The following ANKRD52 variants were observed in gnomAD, a reference collection of about 807,000 sequenced individuals.
ANKRD52 encodes the protein serine/threonine-protein phosphatase 6 regulatory ankyrin repeat subunit C.
A neutral mutation model predicts 116.0 loss-of-function variants in ANKRD52; 7 were observed. That is an observed-to-expected ratio of 0.06 (90% confidence interval 0.03 to 0.11). ANKRD52 has a LOEUF of 0.11. Among genes scored for constraint, ANKRD52 ranks in the 10% least tolerant of loss-of-function variants. ANKRD52 has a pLI of 1.00. For synonymous variants in ANKRD52, 528 were observed against 578.1 expected (o/e 0.91, Z 1.24); for missense variants, 839 against 1,408.6 (o/e 0.60, Z 6.47).
At position 56,244,189 on chromosome 12, in the gene ANKRD52, A is replaced by G. The variant is rs947408036; in HGVS notation, c.2806-56T>C. On this transcript the variant is annotated intron_variant, in intron 25 of 27. Coordinates refer to ENST00000267116, the MANE Select transcript of ANKRD52 (RefSeq NM_173595.4). This position sits in a 1 kb window ranked among gnomAD's most constrained non-coding sequence, Gnocchi z 4.9. ...GTGAAGTAGAAATGTGGCAGGGTGC[A>G]GGGCAGGAGTTGGGGAGAGTAACAG... 6.3e-7 allele frequency: 1 copy of G among 1,594,156 alleles called. No homozygotes were observed. The highest frequency in any genetic ancestry group is 1.3e-5 in the African/African-American group (1 of 74,490).
At position 56,255,199 on chromosome 12, in the gene ANKRD52, T is replaced by C. The variant is rs1369376367; in HGVS notation, c.463-247A>G. ...ATCTGGTGGTTCTTAAACTCTTTTT[T>C]TTTTTTTTTTTGAGACAGTCTCGCT... On this transcript the variant is annotated intron_variant, in intron 5 of 27. Coordinates refer to ENST00000267116, the MANE Select transcript of ANKRD52 (RefSeq NM_173595.4). The surrounding 1 kb of genome is among the most constrained non-coding windows in gnomAD (Gnocchi z 4.3). 2.0e-5 allele frequency: 8 copies of C among 400,466 alleles called. No homozygotes were observed. Among genetic ancestry groups the C allele is most frequent in the African/African-American group, 4.0e-5 (2 of 49,660 alleles). The allele number at this position is 400,466 out of a possible 1,614,324, so 24.8% of individuals were successfully genotyped here. A position where few individuals can be genotyped will look rare whatever the true frequency, so the allele number is the denominator to read the frequency against.
Position 56,255,127 on chromosome 12 carries a change from T to G in ANKRD52, c.463-175A>C. 1.8e-6 allele frequency: 1 copy of G among 558,946 alleles called. No homozygotes were observed. Among genetic ancestry groups the G allele is most frequent in the South Asian group, 2.5e-5 (1 of 40,202 alleles). 34.6% of individuals were successfully genotyped at this position (558,946 alleles called of 1,614,324 possible). Reference sequence around the variant, plus strand: ...GAAGCAGGCACTAAGGAGGAGATACTGGAGAGATTTGGAACTTTAAGGGAA... The same window carrying G: ...GAAGCAGGCACTAAGGAGGAGATACGGGAGAGATTTGGAACTTTAAGGGAA... On this transcript the variant is annotated intron_variant, in intron 5 of 27. Transcript: ENST00000267116. This position sits in a 1 kb window ranked among gnomAD's most constrained non-coding sequence, Gnocchi z 4.3.
Position 56,255,203 on chromosome 12 carries a change from T to G in ANKRD52, c.463-251A>C, listed in dbSNP as rs2135892813. On this transcript the variant is annotated intron_variant, in intron 5 of 27. Transcript: ENST00000267116. The surrounding 1 kb of genome is among the most constrained non-coding windows in gnomAD (Gnocchi z 4.3). Reference sequence around the variant, plus strand: ...GGTGGTTCTTAAACTCTTTTTTTTTTTTTTTTTGAGACAGTCTCGCTCTGT... The same window carrying G: ...GGTGGTTCTTAAACTCTTTTTTTTTGTTTTTTTGAGACAGTCTCGCTCTGT... The G allele has an allele frequency of 1.2e-5, 5 of 404,704 alleles. 1 individual carries two copies. In the South Asian group the frequency reaches 2.6e-4, roughly 21 times the overall value. The allele number at this position is 404,704 out of a possible 1,614,324, so 25.1% of individuals were successfully genotyped here. A position where few individuals can be genotyped will look rare whatever the true frequency, so the allele number is the denominator to read the frequency against.
At chr12:56,256,061 A>C in intron 4 of ANKRD52, 77 bp from the exon 5 acceptor site, 21 of 1,413,140 alleles carry the variant, frequency 1.5e-5, no homozygotes, top group Non-Finnish European at 1.8e-5. Context: ...GGAATAGGTC[A>C]GCATAGCATC....
chr12:56,256,478 C>T (rs1419370227), intron 4 of ANKRD52, among the ~76,000 whole-genome samples: 1 of 152,210 alleles, frequency 6.6e-6, no homozygotes, highest in African/African-American at 2.4e-5. Context: ...TAACCACCAC[C>T]CACCTCATTC....
rs761659437 is a variant in ANKRD52 at position 56,255,753 on chromosome 12, C to G, written c.462+31G>C. On this transcript the variant is annotated intron_variant, in intron 5 of 27. Coordinates refer to ENST00000267116, the MANE Select transcript of ANKRD52 (RefSeq NM_173595.4). This position sits in a 1 kb window ranked among gnomAD's most constrained non-coding sequence, Gnocchi z 4.3. Reference sequence around the variant, plus strand: ...TAGGAAGGTAAGAAAAGGGAAAGCCCCAGCTGGGCCTGGATGGGAACAGTC... The same window carrying G: ...TAGGAAGGTAAGAAAAGGGAAAGCCGCAGCTGGGCCTGGATGGGAACAGTC... 3 of 1,529,128 alleles carry G rather than the reference C, an allele frequency of 2.0e-6. No individual in the cohort carries two copies. The East Asian group carries it at 7.4e-5, about 38-fold the overall frequency. 94.7% of individuals were successfully genotyped at this position (1,529,128 alleles called of 1,614,324 possible).
In ANKRD52 at chr12:56,252,625, A is replaced by C; in HGVS notation, c.1302-55T>G. ...AGCCTCAAAGGGAAGCCACAGGCCC[A>C]GGGTGGGGCTAAGGAAGGATGGGAC... On this transcript the variant is annotated intron_variant, in intron 12 of 27. Coordinates refer to ENST00000267116, the MANE Select transcript of ANKRD52 (RefSeq NM_173595.4). This position sits in a 1 kb window ranked among gnomAD's most constrained non-coding sequence, Gnocchi z 4.7. 6.3e-7 allele frequency: 1 copy of C among 1,582,652 alleles called. No individual in the cohort carries two copies.
At chr12:56,251,314 G>A (rs368310435) in intron 15 of ANKRD52, among the ~76,000 whole-genome samples, 15 of 151,270 alleles carry the variant, frequency 9.9e-5, no homozygotes, top group East Asian at 3.9e-4. Flanking sequence ...GCGTGATCTC[G>A]GCTCACTACA....
rs143575655 is a variant in ANKRD52, at chr12:56,253,878, A to C, written c.907-78T>G. 1 of 1,496,240 alleles carries C rather than the reference A, an allele frequency of 6.7e-7. No individual in the cohort carries two copies. Among genetic ancestry groups the C allele is most frequent in the East Asian group, 2.3e-5 (1 of 44,236 alleles). The allele number at this position is 1,496,240 out of a possible 1,614,324, so 92.7% of individuals were successfully genotyped here. A position where few individuals can be genotyped will look rare whatever the true frequency, so the allele number is the denominator to read the frequency against. On this transcript the variant is annotated intron_variant, in intron 8 of 27. Coordinates refer to ENST00000267116, the MANE Select transcript of ANKRD52 (RefSeq NM_173595.4). The surrounding 1 kb of genome is among the most constrained non-coding windows in gnomAD (Gnocchi z 5.5). ...CAGAGAATGCCCTACCTCCCTTCCAAGGACATATCTCTAAGGACAAAAGGG... is the reference window on the plus strand; with the variant it reads ...CAGAGAATGCCCTACCTCCCTTCCACGGACATATCTCTAAGGACAAAAGGG...
At chr12:56,258,044 G>A in intron 1 of ANKRD52, 133 bp from the exon 2 acceptor site, 3 of 1,308,492 alleles carry the variant, frequency 2.3e-6, no homozygotes, top group Non-Finnish European at 3.2e-6. Flanking sequence ...ATTCTGGCTG[G>A]AGCGAGCTCC....
rs1257891503 is a variant in ANKRD52 at position 56,253,484 on chromosome 12, C to T, written c.986-82G>A. The T allele has an allele frequency of 8.9e-7, 1 of 1,128,480 alleles. No homozygotes were observed. The highest frequency in any genetic ancestry group is 2.4e-5 in the East Asian group (1 of 42,454). 69.9% of individuals were successfully genotyped at this position (1,128,480 alleles called of 1,614,324 possible). On this transcript the variant is annotated intron_variant, in intron 9 of 27. Coordinates refer to ENST00000267116, the MANE Select transcript of ANKRD52 (RefSeq NM_173595.4). The surrounding 1 kb of genome is among the most constrained non-coding windows in gnomAD (Gnocchi z 5.5). ...CGCGAGCTAGCCATGATTTGAGTGCCTACTATGTATGCATCAGGTGCCAGG... is the reference window on the plus strand; with the variant it reads ...CGCGAGCTAGCCATGATTTGAGTGCTTACTATGTATGCATCAGGTGCCAGG...
Position 56,248,440 on chromosome 12 carries a change from G to A in ANKRD52, c.1776+55C>T, listed in dbSNP as rs1468941557. On this transcript the variant is annotated intron_variant, in intron 17 of 27. Coordinates refer to ENST00000267116, the MANE Select transcript of ANKRD52 (RefSeq NM_173595.4). The surrounding 1 kb of genome is among the most constrained non-coding windows in gnomAD (Gnocchi z 5.1). ...TTCACAAGTGCTGGCACCTTTGTTAGGGCCTGGGAACAGGTAGGACAAGGA... is the reference window on the plus strand; with the variant it reads ...TTCACAAGTGCTGGCACCTTTGTTAAGGCCTGGGAACAGGTAGGACAAGGA... 1.3e-6 allele frequency: 2 copies of A among 1,536,802 alleles called. No homozygotes were observed. Among genetic ancestry groups the A allele is most frequent in the Non-Finnish European group, 1.8e-6 (2 of 1,129,200 alleles).
intron 18 of ANKRD52, 55 bp from the exon 19 acceptor site, chr12:56,247,829 G>T: frequency 6.4e-7 from 1 of 1,555,572 alleles, no homozygotes; most frequent in East Asian, 2.3e-5. Context: ...AGGGAGGCAA[G>T]GTCAAGCCTA....
At position 56,252,765 on chromosome 12, in the gene ANKRD52, A is replaced by T; in HGVS notation, c.1301+15T>A. ...GCTCCCTGCTCAAAGCATGGGAGAG[A>T]GAAAGAGAACTCACCCTCCGGAAGC... On this transcript the variant is annotated intron_variant, in intron 12 of 27. Transcript: ENST00000267116. This position sits in a 1 kb window ranked among gnomAD's most constrained non-coding sequence, Gnocchi z 4.7. 1 of 1,610,804 alleles carries T rather than the reference A, an allele frequency of 6.2e-7. No homozygotes were observed.
intron 20 of ANKRD52, 103 bp downstream of exon 20, chr12:56,247,390 T>A: frequency 2.1e-4 from 158 of 752,228 alleles, no homozygotes; most frequent in Middle Eastern, 4.0e-4. Context: ...CGGCACAAAA[T>A]CCTGGCTTGC....
chr12:56,250,253 T>C (rs1378567021), intron 15 of ANKRD52, among the ~76,000 whole-genome samples: 3 of 151,636 alleles, frequency 2.0e-5, no homozygotes, highest in African/African-American at 7.3e-5. Flanking sequence ...AAAATAGAGA[T>C]GAGTTCTCAT....
rs762199879 is a variant in ANKRD52 at position 56,241,400 on chromosome 12, G to A, written c.*1742C>T. ...AAGGTATCCGTTGGGGAGGGAGGGG[G>A]TCCCTGGGACGCCCCCCTCCCCTCA... On this transcript the variant is annotated 3_prime_UTR_variant, in exon 28 of 28. Coordinates refer to ENST00000267116, the MANE Select transcript of ANKRD52 (RefSeq NM_173595.4). The A allele has an allele frequency of 1.3e-5, 2 of 151,878 alleles. No individual in the cohort carries two copies. The highest frequency in any genetic ancestry group is 2.9e-5 in the Non-Finnish European group (2 of 67,932). 9.4% of individuals were successfully genotyped at this position (151,878 alleles called of 1,614,324 possible). A position where few individuals can be genotyped will look rare whatever the true frequency, so the allele number is the denominator to read the frequency against.
rs1871759235 is a variant in ANKRD52 at position 56,252,659 on chromosome 12, C to T, written c.1302-89G>A. On this transcript the variant is annotated intron_variant, in intron 12 of 27. Coordinates refer to ENST00000267116, the MANE Select transcript of ANKRD52 (RefSeq NM_173595.4). The surrounding 1 kb of genome is among the most constrained non-coding windows in gnomAD (Gnocchi z 4.7). ...CTAAGGAAGGATGGGACTAGCAAGCCCTTTCTGCTGTGACTGCTTTCATTG... is the reference window on the plus strand; with the variant it reads ...CTAAGGAAGGATGGGACTAGCAAGCTCTTTCTGCTGTGACTGCTTTCATTG... 1 of 1,541,962 alleles carries T rather than the reference C, an allele frequency of 6.5e-7. No homozygotes were observed. The highest frequency in any genetic ancestry group is 8.9e-7 in the Non-Finnish European group (1 of 1,117,348).
chr12:56,242,703 T>C lies in ANKRD52; in HGVS notation c.*439A>G, dbSNP rs1565606416. Reference sequence around the variant, plus strand: ...TTAAGGCTTCTCACTGCTGCGGGGATGGAGGGACCGGCCGAGCAGGGAGGC... The same window carrying C: ...TTAAGGCTTCTCACTGCTGCGGGGACGGAGGGACCGGCCGAGCAGGGAGGC... On this transcript the variant is annotated 3_prime_UTR_variant, in exon 28 of 28. Transcript: ENST00000267116. This position sits in a 1 kb window ranked among gnomAD's most constrained non-coding sequence, Gnocchi z 4.3. The C allele has an allele frequency of 5.3e-6, 1 of 187,878 alleles. No individual in the cohort carries two copies. Among genetic ancestry groups the C allele is most frequent in the Non-Finnish European group, 1.1e-5 (1 of 89,934 alleles). The allele number at this position is 187,878 out of a possible 1,614,324, so 11.6% of individuals were successfully genotyped here.
Sources: allele counts gnomAD v4.1 joint callset (sites outside exome capture counted in the v4.1 genomes callset), GRCh38; gene constraint gnomAD v4.1.1; non-coding constraint Gnocchi (gnomAD v3.1); transcripts MANE v1.5; gene names NCBI Gene and HGNC (gene_info 2026-07-23, HGNC 2026-07-21).